Variants in SCAPER observed in about 807,000 individuals in gnomAD.
SCAPER encodes S phase cyclin A-associated protein in the endoplasmic reticulum.
SCAPER carries 98 observed loss-of-function variants against 182.2 expected under a neutral mutation model. The observed-to-expected ratio is 0.54, with a 90% CI of 0.46 to 0.64. The LOEUF is 0.64. Ranked by LOEUF, SCAPER falls within the 30% of genes least tolerant of loss-of-function variation. SCAPER has a pLI of 0.00. For synonymous variants in SCAPER, 605 were observed against 564.6 expected (o/e 1.07, Z -1.01); for missense variants, 1,432 against 1,690.0 (o/e 0.85, Z 2.68).
At chr15:76,508,417 C>T (rs2041768681) in intron 23 of SCAPER, among the ~76,000 whole-genome samples, 1 of 152,146 alleles carries the variant, frequency 6.6e-6, no homozygotes. Context: ...CTATATTGGG[C>T]ATATCTAGGA....
chr15:76,409,347 C>T (rs1180524170), intron 26 of SCAPER, among the ~76,000 whole-genome samples: 1 of 152,148 alleles, frequency 6.6e-6, no homozygotes, highest in Non-Finnish European at 1.5e-5. Context: ...CTTCTTGGAA[C>T]ACACATCCTG....
chr15:76,736,373 C>A (rs1416013523), intron 15 of SCAPER, among the ~76,000 whole-genome samples: 1 of 152,102 alleles, frequency 6.6e-6, no homozygotes, highest in Non-Finnish European at 1.5e-5. Flanking sequence ...TAAAATAGGA[C>A]AACAACGAAG....
intron 5 of SCAPER, among the ~76,000 whole-genome samples, chr15:76,836,529 T>G (rs1313746468): frequency 6.6e-6 from 1 of 152,164 alleles, no homozygotes; most frequent in African/African-American, 2.4e-5. Flanking sequence ...AGACTGAAAC[T>G]GGACCACTTC....
rs560324250 is a variant in SCAPER, at chr15:76,384,219, G to C, written c.3468-2604C>G. 3.9e-5 allele frequency among the ~76,000 whole-genome samples: 6 copies of C among 152,324 alleles called. No individual in the cohort carries two copies. In the South Asian group the frequency reaches 1.0e-3, roughly 26 times the overall value. ...ATTTCTAATAGGTTTTCAGAACCTT[G>C]AGGATGAGTGACATCACTGCTGGTG... On this transcript the variant is annotated intron_variant, in intron 27 of 31. Coordinates refer to ENST00000563290, the MANE Select transcript of SCAPER (RefSeq NM_020843.4).
At chr15:76,578,994 G>A (rs577547915) in intron 22 of SCAPER, among the ~76,000 whole-genome samples, 7 of 152,204 alleles carry the variant, frequency 4.6e-5, no homozygotes, top group East Asian at 1.9e-4. Context: ...TACATTTAGC[G>A]AAGAGATAAA....
At chr15:76,606,295 G>A (rs557037912) in intron 22 of SCAPER, among the ~76,000 whole-genome samples, 28 of 152,242 alleles carry the variant, frequency 1.8e-4, no homozygotes, top group Admixed American at 1.8e-3. Context: ...AGTCATTCAG[G>A]AGCAGGTTGT....
intron 27 of SCAPER, among the ~76,000 whole-genome samples, chr15:76,384,735 G>C (rs2043182795): frequency 6.6e-6 from 1 of 152,182 alleles, no homozygotes; most frequent in Non-Finnish European, 1.5e-5. Context: ...GGGTTTGACT[G>C]TCCCATTTGG....
intron 23 of SCAPER, among the ~76,000 whole-genome samples, chr15:76,570,021 T>G (rs1442778133): frequency 1.3e-5 from 2 of 152,188 alleles, no homozygotes; most frequent in Non-Finnish European, 2.9e-5. Context: ...AAACACTGCA[T>G]TTGAAATTTA....
At chr15:76,475,047 T>G (rs974464436) in intron 24 of SCAPER, among the ~76,000 whole-genome samples, 1 of 152,204 alleles carries the variant, frequency 6.6e-6, no homozygotes, top group African/African-American at 2.4e-5. Context: ...TTTGATAACA[T>G]GTCTAAATTT....
At chr15:76,665,099 A>C (rs770342049) in intron 21 of SCAPER, among the ~76,000 whole-genome samples, 3 of 152,194 alleles carry the variant, frequency 2.0e-5, no homozygotes, top group Non-Finnish European at 4.4e-5. Flanking sequence ...GATGACACTC[A>C]AAGCTTGTGA....
intron 8 of SCAPER, among the ~76,000 whole-genome samples, chr15:76,794,244 C>T (rs2065180330): frequency 6.6e-6 from 1 of 152,176 alleles, no homozygotes; most frequent in Admixed American, 6.5e-5. Flanking sequence ...GTGAGTTATT[C>T]ATGAATAATC....
chr15:76,486,523 AC>A (rs973916815), intron 24 of SCAPER, among the ~76,000 whole-genome samples: 17 of 145,288 alleles, frequency 1.2e-4, no homozygotes, highest in African/African-American at 3.0e-4. Flanking sequence ...TAAAAAAAAA[AC>A]CCCATTAAAA....
intron 10 of SCAPER, among the ~76,000 whole-genome samples, chr15:76,771,347 GT>G (rs1376836682): frequency 2.6e-5 from 4 of 152,050 alleles, no homozygotes; most frequent in Admixed American, 2.6e-4. Context: ...GCAAATGATA[GT>G]GGCTGTCTAA....
Position 76,513,294 on chromosome 15 carries a change from T to C in SCAPER, c.2839-8320A>G, listed in dbSNP as rs539210248. Reference sequence around the variant, plus strand: ...TGAGATATGATAGATTAACACAACATAGAGGCATGTTAAATATAACAAGGA... The same window carrying C: ...TGAGATATGATAGATTAACACAACACAGAGGCATGTTAAATATAACAAGGA... On this transcript the variant is annotated intron_variant, in intron 23 of 31. Transcript: ENST00000563290. Among the ~76,000 whole-genome samples the C allele has an allele frequency of 3.9e-5, 6 of 152,270 alleles. No homozygotes were observed. In the South Asian group the frequency reaches 1.0e-3, roughly 26 times the overall value.
intron 23 of SCAPER, among the ~76,000 whole-genome samples, chr15:76,568,605 C>T (rs1351291638): frequency 2.6e-5 from 4 of 152,184 alleles, no homozygotes; most frequent in Non-Finnish European, 5.9e-5. Flanking sequence ...GATCCACCCA[C>T]CTCAGCCTCG....
intron 20 of SCAPER, among the ~76,000 whole-genome samples, chr15:76,666,709 T>C (rs149323462): frequency 1.8e-4 from 27 of 152,324 alleles, no homozygotes; most frequent in African/African-American, 6.5e-4. Flanking sequence ...TCTCCTTAAA[T>C]CTCCAATATC....
chr15:76,583,744 G>A (rs1490858106), intron 22 of SCAPER, among the ~76,000 whole-genome samples: 2 of 152,100 alleles, frequency 1.3e-5, no homozygotes, highest in Non-Finnish European at 2.9e-5. Context: ...CAGTTAAAAT[G>A]GCTTTTACCC....
chr15:76,726,940 A>G (rs982804686), intron 17 of SCAPER, among the ~76,000 whole-genome samples: 1 of 152,070 alleles, frequency 6.6e-6, no homozygotes, highest in African/African-American at 2.4e-5. Context: ...TTTCATAAAA[A>G]TATCAATGTA....
intron 29 of SCAPER, among the ~76,000 whole-genome samples, chr15:76,365,263 GC>G (rs2141779889): frequency 6.6e-6 from 1 of 152,354 alleles, no homozygotes; most frequent in African/African-American, 2.4e-5. Flanking sequence ...TTTTGTAAAA[GC>G]TGATAAATGA....
Sources: gnomAD v4.1 joint callset for allele counts (sites outside exome capture counted in the v4.1 genomes callset) on GRCh38, gnomAD v4.1.1 for gene constraint, MANE v1.5 for transcripts, NCBI Gene and HGNC (gene_info 2026-07-23, HGNC 2026-07-21) for gene names.